The following STARD8 variants were observed in gnomAD, a reference collection of about 807,000 sequenced individuals.
STARD8 encodes the protein stAR-related lipid transfer protein 8.
In STARD8, 25 loss-of-function variants were observed where a neutral mutation model predicts 69.4. The ratio of observed to expected loss-of-function variants is 0.36; its 90% CI spans 0.26 to 0.50. The LOEUF is 0.50. STARD8 is among the 20% of genes least tolerant of loss of function. The pLI, the probability that STARD8 is intolerant of heterozygous loss-of-function variation, is 0.96. For synonymous variants in STARD8, 389 were observed against 374.6 expected, an observed-to-expected ratio of 1.04 and a Z score of -0.45; for missense variants, 921 against 932.5, an observed-to-expected ratio of 0.99 and a Z score of 0.16.
Position 68,718,526 on chromosome X carries a change from A to G in STARD8, c.1612A>G (p.Met538Val). The part of the protein sequence containing the change: ...SSELDSSGNS[M>V]NEAEAAGPLA... ...CGAACTTGACAGTAGTGGGAACTCC[A>G]TGAATGAGGCTGAGGCTGCGGGGCC... Residue 538 changes from methionine to valine, a missense_variant, in exon 6 of 15, where the codon ATG becomes GTG. Transcript: ENST00000374599. 8.2e-7 allele frequency: 1 copy of G among 1,212,322 alleles called. No individual in the cohort carries two copies. Among genetic ancestry groups the G allele is most frequent in the Non-Finnish European group, 1.1e-6 (1 of 895,613 alleles).
intron 2 of STARD8, among the ~76,000 whole-genome samples, chrX:68,690,924 A>G (rs946168024): frequency 4.5e-5 from 5 of 112,304 alleles, no homozygotes; most frequent in African/African-American, 1.6e-4. Context: ...ATTGAAGGTC[A>G]GGGTTGTGAT....
At position 68,721,142 on chromosome X, in the gene STARD8, C is replaced by T. The variant is rs1366388505; in HGVS notation, c.2248+20C>T. Reference sequence around the variant, plus strand: ...ACCAGCGTGAGTCGCCCACTCCTATCCCCAACAACCTGTCCCATTCTCAAC... The same window carrying T: ...ACCAGCGTGAGTCGCCCACTCCTATTCCCAACAACCTGTCCCATTCTCAAC... On this transcript the variant is annotated intron_variant, in intron 9 of 14. Coordinates refer to ENST00000374599, the MANE Select transcript of STARD8 (RefSeq NM_001142503.3). 1.7e-6 allele frequency: 2 copies of T among 1,199,861 alleles called. No individual in the cohort carries two copies. Among genetic ancestry groups the T allele is most frequent in the African/African-American group, 3.5e-5 (2 of 56,986 alleles).
At chrX:68,719,851 T>C (rs1276921294) in intron 7 of STARD8, among the ~76,000 whole-genome samples, 1 of 111,734 alleles carries the variant, frequency 8.9e-6, no homozygotes, top group Non-Finnish European at 1.9e-5. Flanking sequence ...TCTTTGCCTT[T>C]GTTTGTGCTG....
At position 68,724,722 on chromosome X, in the gene STARD8, C is replaced by T. The variant is rs1490976985; in HGVS notation, c.*300C>T. On this transcript the variant is annotated 3_prime_UTR_variant, in exon 15 of 15. Transcript: ENST00000374599. The stretch of plus-strand genomic sequence containing the variant: ...GCCACCAGCCACCTGCTTGTGAGGC[C>T]GCCACTTGGCATGAAGCCTCCACAG... 11 of 226,025 alleles carry T rather than the reference C, an allele frequency of 4.9e-5. No homozygotes were observed. The highest frequency in any genetic ancestry group is 3.4e-4 in the Admixed American group (5 of 14,819). 18.6% of individuals were successfully genotyped at this position (226,025 alleles called of 1,213,427 possible).
chrX:68,647,799 G>T lies in STARD8; in HGVS notation c.-84G>T, dbSNP rs932301547. 1 of 1,110,249 alleles carries T rather than the reference G, an allele frequency of 9.0e-7. No individual in the cohort carries two copies. The highest frequency in any genetic ancestry group is 1.8e-5 in the African/African-American group (1 of 54,553). The allele number at this position is 1,110,249 out of a possible 1,213,427, so 91.5% of individuals were successfully genotyped here. A position where few individuals can be genotyped will look rare whatever the true frequency, so the allele number is the denominator to read the frequency against. On this transcript the variant is annotated 5_prime_UTR_variant, in exon 1 of 15. Transcript: ENST00000374599. ...CGGGCTGGCTCTCGCCGAGCCCCGG[G>T]CCTCTTTTAGCCTCGTCCCCAGAGA...
At chrX:68,722,301 G>A (rs1360456129) in intron 11 of STARD8, 121 bp from the exon 12 acceptor site, 7 of 842,055 alleles carry the variant, frequency 8.3e-6, no homozygotes, top group Non-Finnish European at 1.2e-5. Context: ...CCCCCACAAT[G>A]TTTCTCATCT....
At chrX:68,689,461 G>A (rs1397956415) in intron 2 of STARD8, among the ~76,000 whole-genome samples, 1 of 112,233 alleles carries the variant, frequency 8.9e-6, no homozygotes, top group Non-Finnish European at 1.9e-5. Context: ...CTTCCATCAG[G>A]CTGGCACATT....
At chrX:68,700,357 T>C (rs763676534) in intron 2 of STARD8, among the ~76,000 whole-genome samples, 1 of 112,288 alleles carries the variant, frequency 8.9e-6, no homozygotes, top group South Asian at 3.7e-4. Flanking sequence ...GGAAGAACAG[T>C]CTCCAGTGAG....
chrX:68,653,398 ACACACC>A (rs2079585615), intron 1 of STARD8, among the ~76,000 whole-genome samples: 1 of 52,962 alleles, frequency 1.9e-5, no homozygotes. Flanking sequence ...CACACCCCAC[ACACACC>A]ACACACACCA....
rs2080188080 is a variant in STARD8 at position 68,725,045 on chromosome X, C to T, written c.*623C>T. 9.0e-6 allele frequency: 1 copy of T among 111,168 alleles called. No homozygotes were observed. The highest frequency in any genetic ancestry group is 1.9e-5 in the Non-Finnish European group (1 of 53,009). 9.2% of individuals were successfully genotyped at this position (111,168 alleles called of 1,213,427 possible). A position where few individuals can be genotyped will look rare whatever the true frequency, so the allele number is the denominator to read the frequency against. On this transcript the variant is annotated 3_prime_UTR_variant, in exon 15 of 15. Transcript: ENST00000374599. ...GAGTTAAGAGTGGGCACTGACGGGC[C>T]CCTAATATGTGACATGACGATTTGG...
At chrX:68,660,658 C>G (rs1823084632) in intron 1 of STARD8, among the ~76,000 whole-genome samples, 1 of 112,386 alleles carries the variant, frequency 8.9e-6, no homozygotes, top group Admixed American at 9.4e-5. Flanking sequence ...CCCCTGTGTC[C>G]TGCGACAACC....
At position 68,722,435 on chromosome X, in the gene STARD8, T is replaced by C. The variant is rs1228909479; in HGVS notation, c.2588T>C (p.Met863Thr). Residue 863 changes from methionine to threonine, a missense_variant, in exon 12 of 15, where the codon ATG (methionine) becomes ACG (threonine). Coordinates refer to ENST00000374599, the MANE Select transcript of STARD8 (RefSeq NM_001142503.3). The part of the protein sequence containing the change: ...CKKLFQVPQD[M>T]VLQLCSSYSA... Reference sequence around the variant, plus strand: ...GTGCCCTCTCAGGTGCCCCAGGACATGGTGCTGCAGCTGTGCAGCTCCTAC... The same window carrying C: ...GTGCCCTCTCAGGTGCCCCAGGACACGGTGCTGCAGCTGTGCAGCTCCTAC... The C allele has an allele frequency of 3.3e-6, 4 of 1,200,627 alleles. No individual in the cohort carries two copies. In the South Asian group the frequency reaches 7.2e-5, roughly 22 times the overall value.
chrX:68,711,124 T>A (rs943522338), intron 2 of STARD8, among the ~76,000 whole-genome samples: 112 of 111,447 alleles, frequency 1.0e-3, no homozygotes, highest in African/African-American at 3.4e-3. Context: ...CAGGGCTCTG[T>A]CAGACACTTT....
chrX:68,649,590 G>T (rs932777471), intron 1 of STARD8, among the ~76,000 whole-genome samples: 2 of 111,171 alleles, frequency 1.8e-5, no homozygotes, highest in Admixed American at 1.9e-4. Context: ...TCCTGTGGGG[G>T]TGGGGATTCA....
chrX:68,692,559 G>A (rs2079884247), intron 2 of STARD8, among the ~76,000 whole-genome samples: 1 of 112,418 alleles, frequency 8.9e-6, no homozygotes, highest in African/African-American at 3.2e-5. Context: ...GATGGATGCA[G>A]TTCCTGCCTT....
rs768459160 is a variant in STARD8 at position 68,719,213 on chromosome X, G to A, written c.1716-12G>A. 94 of 1,163,515 alleles carry A rather than the reference G, an allele frequency of 8.1e-5. No homozygotes were observed. The highest frequency in any genetic ancestry group is 1.2e-4 in the South Asian group (6 of 48,759). ...TCTGGGCTTCTCCACCCCTCTCACC[G>A]CCCCCCACCAGGAAGCTCCGTTGGC... On this transcript the variant is annotated splice_polypyrimidine_tract_variant and intron_variant, in intron 6 of 14. Transcript: ENST00000374599.
chrX:68,722,565 C>T lies in STARD8; in HGVS notation c.2718C>T (p.Asp906=). ...LSLYMEENIQ[D]LLRDAAERFK... ...TCTACATGGAAGAGAATATCCAGGA[C>T]CTGCTGCGTGATGCTGCTGAGCGCT... The change falls in exon 12 of 15, where the codon GAC becomes GAT. Residue 906 remains aspartate (D), a synonymous_variant. Transcript: ENST00000374599. 3.3e-6 allele frequency: 4 copies of T among 1,212,007 alleles called. No individual in the cohort carries two copies. In the South Asian group the frequency reaches 7.0e-5, roughly 21 times the overall value.
intron 2 of STARD8, among the ~76,000 whole-genome samples, chrX:68,705,678 G>A (rs1445140777): frequency 2.7e-5 from 3 of 112,518 alleles, no homozygotes; most frequent in Non-Finnish European, 5.6e-5. Flanking sequence ...AGGATCTCGT[G>A]CTTCAGATCT....
intron 1 of STARD8, among the ~76,000 whole-genome samples, chrX:68,661,118 A>G (rs2079641711): frequency 9.0e-6 from 1 of 111,475 alleles, no homozygotes; most frequent in Non-Finnish European, 1.9e-5. Context: ...CAAGGCAAGG[A>G]AAAAAAGTCT....
Sources: gnomAD v4.1 joint callset for allele counts (sites outside exome capture counted in the v4.1 genomes callset) on GRCh38, gnomAD v4.1.1 for gene constraint, MANE v1.5 for transcripts, NCBI Gene and HGNC (gene_info 2026-07-23, HGNC 2026-07-21) for gene names.